Variants in ZNF892 observed in about 807,000 individuals in gnomAD.
ZNF892 encodes zinc finger protein 570-like.
chr2:95,233,880 A>G, the ZNF892 span, among the ~76,000 whole-genome samples: 2 of 151,890 alleles, frequency 1.3e-5, no homozygotes, highest in African/African-American at 4.8e-5. Context: ...GTGTTTCACC[A>G]TGTTGGGCAG....
chr2:95,243,313 C>A, the ZNF892 span, among the ~76,000 whole-genome samples: 1 of 151,774 alleles, frequency 6.6e-6, no homozygotes, highest in East Asian at 2.0e-4. Flanking sequence ...GGCTGCCCAT[C>A]GTCTGGGATG....
chr2:95,207,561 G>C, the ZNF892 span: 1 of 371,396 alleles, frequency 2.7e-6, no homozygotes, highest in African/African-American at 2.1e-5. Flanking sequence ...CGTCCCCGCC[G>C]GCTGTTAGAT....
At chr2:95,237,019 G>T in the ZNF892 span, among the ~76,000 whole-genome samples, 2 of 152,026 alleles carry the variant, frequency 1.3e-5, no homozygotes, top group African/African-American at 4.8e-5. Flanking sequence ...CCCTGCATGG[G>T]CACAATTTAT....
At chr2:95,255,622 C>T in the ZNF892 span, among the ~76,000 whole-genome samples, 1 of 152,126 alleles carries the variant, frequency 6.6e-6, no homozygotes, top group African/African-American at 2.4e-5. Context: ...GAGTTCAATT[C>T]CTGGATATCC....
the ZNF892 span, among the ~76,000 whole-genome samples, chr2:95,243,767 G>A: frequency 2.0e-5 from 3 of 151,786 alleles, no homozygotes; most frequent in Admixed American, 6.5e-5. Flanking sequence ...GGGAGGTGAG[G>A]GGCGCCTCAG....
the ZNF892 span, among the ~76,000 whole-genome samples, chr2:95,239,010 G>A: frequency 5.9e-5 from 9 of 151,950 alleles, no homozygotes; most frequent in African/African-American, 9.7e-5. Flanking sequence ...GTGGTGGCGC[G>A]TGCCTGTAAT....
At chr2:95,207,720 G>C in the ZNF892 span, 1 of 398,120 alleles carries the variant, frequency 2.5e-6, no homozygotes, top group Non-Finnish European at 4.4e-6. Context: ...CTGCCCACGC[G>C]TGCGTTCCCG....
chr2:95,230,235 G>A, the ZNF892 span, among the ~76,000 whole-genome samples: 1 of 152,122 alleles, frequency 6.6e-6, no homozygotes, highest in Non-Finnish European at 1.5e-5. Flanking sequence ...GTGGGAAGGA[G>A]ATAAGGGATA....
the ZNF892 span, among the ~76,000 whole-genome samples, chr2:95,221,945 C>G: frequency 6.6e-6 from 1 of 152,120 alleles, no homozygotes; most frequent in Non-Finnish European, 1.5e-5. Flanking sequence ...TCTTCCTCCT[C>G]CCTATCTTCC....
chr2:95,244,816 G>C, the ZNF892 span, among the ~76,000 whole-genome samples: 1 of 152,042 alleles, frequency 6.6e-6, no homozygotes, highest in Admixed American at 6.6e-5. Flanking sequence ...CAAATGCAAA[G>C]GACTGAAATA....
the ZNF892 span, chr2:95,215,335 G>A: frequency 1.5e-5 from 7 of 463,414 alleles, no homozygotes; most frequent in South Asian, 6.3e-5. Context: ...GCCCTTATTC[G>A]TCATCAGAGA....
the ZNF892 span, among the ~76,000 whole-genome samples, chr2:95,245,725 ATACTT>A: frequency 6.6e-6 from 1 of 152,186 alleles, no homozygotes; most frequent in African/African-American, 2.4e-5. Context: ...ACGATCAAGA[ATACTT>A]TAAACAGTTC....
At chr2:95,234,779 G>A in the ZNF892 span, among the ~76,000 whole-genome samples, 1 of 152,210 alleles carries the variant, frequency 6.6e-6, no homozygotes, top group African/African-American at 2.4e-5. Context: ...CTTTTAAAAT[G>A]TGCTTTGTAA....
chr2:95,217,719 G>A, the ZNF892 span, among the ~76,000 whole-genome samples: 1 of 152,184 alleles, frequency 6.6e-6, no homozygotes, highest in Non-Finnish European at 1.5e-5. Context: ...CAGATCTTGT[G>A]AGAATAACCC....
At chr2:95,210,770 T>G in the ZNF892 span, among the ~76,000 whole-genome samples, 1 of 152,166 alleles carries the variant, frequency 6.6e-6, no homozygotes, top group Non-Finnish European at 1.5e-5. Flanking sequence ...CCTGTGGAGC[T>G]TATGTTAGCC....
At chr2:95,245,451 G>A in the ZNF892 span, among the ~76,000 whole-genome samples, 2 of 74,258 alleles carry the variant, frequency 2.7e-5, no homozygotes, top group South Asian at 4.4e-4. Context: ...TAGAGACGGC[G>A]GGGGGGGGGG....
chr2:95,259,683 G>C, the ZNF892 span: 1 of 152,256 alleles, frequency 6.6e-6, no homozygotes, highest in Non-Finnish European at 1.5e-5. Flanking sequence ...GGCACCAGTG[G>C]GAGGCGAGTG....
At chr2:95,227,134 C>T in the ZNF892 span, among the ~76,000 whole-genome samples, 1 of 129,168 alleles carries the variant, frequency 7.7e-6, no homozygotes, top group African/African-American at 2.9e-5. Context: ...CCCTTCCTTC[C>T]TTCCTTCCTC....
the ZNF892 span, among the ~76,000 whole-genome samples, chr2:95,246,496 T>C: frequency 6.6e-6 from 1 of 152,158 alleles, no homozygotes; most frequent in Non-Finnish European, 1.5e-5. Flanking sequence ...CAACATAGTA[T>C]TGGAAGTTCT....
Sources: gnomAD v4.1 joint callset for allele counts (sites outside exome capture counted in the v4.1 genomes callset) on GRCh38, gnomAD v4.1.1 for gene constraint, MANE v1.5 for transcripts, NCBI Gene and HGNC (gene_info 2026-07-23, HGNC 2026-07-21) for gene names.